NAA35: variants seen among roughly 807,000 people sequenced by gnomAD.
NAA35 encodes MAK10 homolog, amino-acid N-acetyltransferase subunit.
NAA35 carries 18 observed loss-of-function variants against 101.7 expected under a neutral mutation model. The ratio of observed to expected loss-of-function variants is 0.18; its 90% CI spans 0.12 to 0.26. NAA35 has a LOEUF of 0.26. Ranked by LOEUF, NAA35 falls within the 10% of genes least tolerant of loss-of-function variation. NAA35 has a pLI of 1.00. For missense variants in NAA35, 601 were observed against 886.8 expected (o/e 0.68, Z 4.09); for synonymous variants, 267 against 273.1 (o/e 0.98, Z 0.22).
chr9:85,988,417 C>T (rs1466730101), intron 11 of NAA35, among the ~76,000 whole-genome samples: 2 of 152,108 alleles, frequency 1.3e-5, no homozygotes, highest in Admixed American at 6.6e-5. Flanking sequence ...AGTGACCAGG[C>T]AGAGTTCAGG....
At chr9:86,010,487 C>G (rs1255544581) in intron 15 of NAA35, among the ~76,000 whole-genome samples, 8 of 151,392 alleles carry the variant, frequency 5.3e-5, no homozygotes, top group Admixed American at 5.3e-4. Context: ...TGTTATGACT[C>G]TCAACTGGGA....
chr9:85,957,974 T>C lies in NAA35; in HGVS notation c.159-498T>C, dbSNP rs1232822187. Among the ~76,000 whole-genome samples, 5 of 151,190 alleles carry C rather than the reference T, an allele frequency of 3.3e-5. No individual in the cohort carries two copies. In the Admixed American group the frequency reaches 3.3e-4, roughly 10 times the overall value. ...TTTTTTTTTTGAGAGGGAGTTTCAC[T>C]CTTGTTGCCCAGGCTGGAGTGCAAC... On this transcript the variant is annotated intron_variant, in intron 3 of 22. Transcript: ENST00000361671.
chr9:85,973,363 G>T (rs1171799054), intron 6 of NAA35, among the ~76,000 whole-genome samples: 1 of 152,188 alleles, frequency 6.6e-6, no homozygotes, highest in Non-Finnish European at 1.5e-5. Flanking sequence ...TCTGCCTTCT[G>T]GTGGTATATA....
chr9:86,002,978 T>A (rs1320701432), intron 12 of NAA35, among the ~76,000 whole-genome samples: 1 of 152,214 alleles, frequency 6.6e-6, no homozygotes, highest in Non-Finnish European at 1.5e-5. Context: ...TGGATGTTCC[T>A]TTAACTGCAG....
chr9:86,009,995 C>T (rs539491168), intron 15 of NAA35, 64 bp downstream of exon 15: 17 of 1,337,846 alleles, frequency 1.3e-5, no homozygotes, highest in East Asian at 6.9e-5. Flanking sequence ...TGGCCGGGCA[C>T]GGTGGCTCAC....
At chr9:86,010,548 ACT>A (rs1491178706) in intron 15 of NAA35, among the ~76,000 whole-genome samples, 40 of 142,684 alleles carry the variant, frequency 2.8e-4, no homozygotes, top group African/African-American at 1.0e-3. Context: ...TAAAAACTTT[ACT>A]TTTTTTTTTA....
rs993406731 is a variant in NAA35 at position 85,997,044 on chromosome 9, C to T, written c.1056+467C>T. Among the ~76,000 whole-genome samples, 7 of 151,564 alleles carry T rather than the reference C, an allele frequency of 4.6e-5. No individual in the cohort carries two copies. In the South Asian group the frequency reaches 1.0e-3, roughly 23 times the overall value. On this transcript the variant is annotated intron_variant, in intron 12 of 22. Coordinates refer to ENST00000361671, the MANE Select transcript of NAA35 (RefSeq NM_024635.4). ...CAGCTCACTGCAGCCTGGACCTTCT[C>T]GGCTCAAGCAATCCTTCTGCCTCTC...
chr9:85,941,231 T>G lies in NAA35; in HGVS notation c.-48T>G. ...CGAGGCGGCGTCGTTATTTCCGTGG[T>G]CCGGACAGTGCGTGGCGGCGCGGGT... On this transcript the variant is annotated 5_prime_UTR_variant, in exon 1 of 23. Coordinates refer to ENST00000361671, the MANE Select transcript of NAA35 (RefSeq NM_024635.4). 1.0e-6 allele frequency: 1 copy of G among 986,696 alleles called. No homozygotes were observed. Among genetic ancestry groups the G allele is most frequent in the Non-Finnish European group, 1.2e-6 (1 of 830,952 alleles). The allele number at this position is 986,696 out of a possible 1,614,324, so 61.1% of individuals were successfully genotyped here.
intron 1 of NAA35, 195 bp from the exon 2 acceptor site, chr9:85,941,960 A>T (rs1828539245): frequency 1.6e-6 from 2 of 1,251,922 alleles, no homozygotes; most frequent in East Asian, 5.8e-5. Flanking sequence ...AATAGTAAGC[A>T]GCAGGAGTGT....
At chr9:85,987,405 TC>T (rs1468084955) in intron 11 of NAA35, among the ~76,000 whole-genome samples, 1 of 152,232 alleles carries the variant, frequency 6.6e-6, no homozygotes. Context: ...TACAACCCAG[TC>T]GGCTTAACTT....
intron 1 of NAA35, chr9:85,941,520 T>A (rs1828513605): frequency 1.0e-6 from 1 of 985,428 alleles, no homozygotes; most frequent in South Asian, 4.7e-5. Flanking sequence ...CGGCGACAGC[T>A]CTGTCCTTGC....
chr9:85,967,533 C>T (rs993610052), intron 6 of NAA35, among the ~76,000 whole-genome samples: 2 of 152,046 alleles, frequency 1.3e-5, no homozygotes, highest in Non-Finnish European at 2.9e-5. Context: ...TTTGGCCGGG[C>T]GCGGTGGCTC....
intron 18 of NAA35, 132 bp downstream of exon 18, chr9:86,016,807 A>ATACTGG: frequency 1.2e-6 from 1 of 825,230 alleles, no homozygotes; most frequent in East Asian, 2.7e-5. Flanking sequence ...TATAAGGTAG[A>ATACTGG]GACTGAGTCC....
Position 86,013,813 on chromosome 9 carries a change from A to G in NAA35, c.1484A>G (p.His495Arg). Residue 495 changes from histidine (H) to arginine (R), a missense_variant, in exon 17 of 23, where the codon CAT becomes CGT. Coordinates refer to ENST00000361671, the MANE Select transcript of NAA35 (RefSeq NM_024635.4). ...LACLGTWVLY[H>R]NLRIMIQYLL... ...TGTTTAGGTACCTGGGTCCTTTACC[A>G]TAACCTTCGCATTATGATACAGTAC... 6.2e-7 allele frequency: 1 copy of G among 1,614,172 alleles called. No homozygotes were observed. The highest frequency in any genetic ancestry group is 2.2e-5 in the East Asian group (1 of 44,872).
intron 2 of NAA35, among the ~76,000 whole-genome samples, chr9:85,945,277 T>TA (rs796147537): frequency 1.1e-4 from 16 of 151,312 alleles, no homozygotes; most frequent in African/African-American, 3.9e-4. Context: ...TTCTTGGAAC[T>TA]AAAAAAAAAT....
At chr9:85,996,284 G>C (rs1275302582) in intron 11 of NAA35, 115 bp from the exon 12 acceptor site, 1 of 638,530 alleles carries the variant, frequency 1.6e-6, no homozygotes, top group African/African-American at 1.9e-5. Flanking sequence ...AGGATTTTGT[G>C]GTTAGAATTT....
chr9:86,018,906 G>A (rs1335673626), intron 21 of NAA35, 85 bp downstream of exon 21: 17 of 1,522,522 alleles, frequency 1.1e-5, no homozygotes, highest in Non-Finnish European at 1.4e-5. Flanking sequence ...AATTATGAAA[G>A]TGAACTTTAA....
intron 13 of NAA35, among the ~76,000 whole-genome samples, chr9:86,005,858 C>T (rs557307653): frequency 6.6e-6 from 1 of 151,796 alleles, no homozygotes; most frequent in Non-Finnish European, 1.5e-5. Context: ...ATACTATTCA[C>T]CTTTCAGAAT....
chr9:86,007,667 A>T (rs915465174), intron 14 of NAA35, among the ~76,000 whole-genome samples: 6 of 152,150 alleles, frequency 3.9e-5, no homozygotes, highest in Non-Finnish European at 8.8e-5. Context: ...AAAATTTCTG[A>T]TAACTCCAAG....
Sources: allele counts gnomAD v4.1 joint callset (sites outside exome capture counted in the v4.1 genomes callset), GRCh38; gene constraint gnomAD v4.1.1; transcripts MANE v1.5; gene names NCBI Gene and HGNC (gene_info 2026-07-23, HGNC 2026-07-21).